MCPH1: variants seen among roughly 807,000 people sequenced by gnomAD.
MCPH1 encodes the protein microcephalin 1.
A neutral mutation model predicts 84.5 loss-of-function variants in MCPH1; 104 were observed. The observed-to-expected ratio is 1.23, with a 90% CI of 1.05 to 1.45. The LOEUF (loss-of-function observed/expected upper bound fraction) is 1.45. MCPH1 is among the 40% of genes most tolerant of loss of function. MCPH1 has a pLI of 0.00. For missense variants in MCPH1, 1,498 were observed against 1,005.7 expected (o/e 1.49, Z -6.62); for synonymous variants, 514 against 366.8 (o/e 1.40, Z -4.58).
rs1333669098 is a variant in MCPH1, at chr8:6,444,747, A to T, written c.1025A>T (p.His342Leu). The T allele has an allele frequency of 6.2e-7, 1 of 1,614,040 alleles. No homozygotes were observed. The highest frequency in any genetic ancestry group is 2.2e-5 in the East Asian group (1 of 44,870). ...CCTACCTTATCTTCAACAAAAGGCC[A>T]CCTTTTGATACATTCAAGACCCAGG... is the stretch of plus-strand genomic sequence containing the variant. ...LSPTLSSTKG[H>L]LLIHSRPRSS... The change falls in exon 8 of 14, where the codon CAC becomes CTC. Residue 342 changes from histidine to leucine, a missense_variant. Coordinates refer to ENST00000344683, the MANE Select transcript of MCPH1 (RefSeq NM_024596.5).
chr8:6,505,309 A>AT (rs1377053213), intron 12 of MCPH1, among the ~76,000 whole-genome samples: 5,355 of 53,410 alleles, frequency 0.1, 592 homozygotes, highest in African/African-American at 0.16. Context: ...ATATGTATAT[A>AT]ACATATATAT....
intron 10 of MCPH1, among the ~76,000 whole-genome samples, chr8:6,480,186 C>G (rs1447009218): frequency 6.6e-6 from 1 of 150,688 alleles, no homozygotes; most frequent in Non-Finnish European, 1.5e-5. Flanking sequence ...TGCAGTGACA[C>G]GATCGCGGCT....
chr8:6,506,366 G>T (rs921586583), intron 12 of MCPH1, among the ~76,000 whole-genome samples: 22 of 152,050 alleles, frequency 1.4e-4, no homozygotes, highest in Admixed American at 2.6e-4. Flanking sequence ...TCTCTCTTGG[G>T]CTGTTTTTCC....
chr8:6,560,794 T>G (rs1265065535), intron 12 of MCPH1, among the ~76,000 whole-genome samples: 2 of 152,190 alleles, frequency 1.3e-5, no homozygotes, highest in Non-Finnish European at 2.9e-5. Flanking sequence ...AGAGAAGGGG[T>G]AGTTTACCTA....
intron 9 of MCPH1, among the ~76,000 whole-genome samples, chr8:6,464,430 CATTA>C (rs1479962879): frequency 1.3e-5 from 2 of 152,180 alleles, no homozygotes; most frequent in African/African-American, 4.8e-5. Flanking sequence ...CTACAGAAAA[CATTA>C]AATAGGATCT....
chr8:6,548,152 T>C (rs552888405), intron 12 of MCPH1, among the ~76,000 whole-genome samples: 14 of 152,326 alleles, frequency 9.2e-5, no homozygotes, highest in Non-Finnish European at 2.1e-4. Context: ...TTGGTTCCAC[T>C]GGAATCTTGG....
chr8:6,470,492 C>T (rs1440817074), intron 9 of MCPH1, among the ~76,000 whole-genome samples: 1 of 152,150 alleles, frequency 6.6e-6, no homozygotes, highest in African/African-American at 2.4e-5. Context: ...ACCATGTTGG[C>T]CAGGCTAGTC....
intron 13 of MCPH1, among the ~76,000 whole-genome samples, chr8:6,636,570 C>G (rs1336130293): frequency 6.6e-6 from 1 of 152,106 alleles, no homozygotes; most frequent in Non-Finnish European, 1.5e-5. Context: ...GCCTCTAACT[C>G]CTGGCCTCAA....
intron 11 of MCPH1, among the ~76,000 whole-genome samples, chr8:6,492,807 A>C (rs1357318150): frequency 1.3e-5 from 2 of 151,308 alleles, no homozygotes; most frequent in Non-Finnish European, 2.9e-5. Context: ...GAGTTAAGTA[A>C]TTAATTGATT....
At chr8:6,562,290 C>T (rs1025138756) in intron 12 of MCPH1, among the ~76,000 whole-genome samples, 1 of 152,044 alleles carries the variant, frequency 6.6e-6, no homozygotes, top group African/African-American at 2.4e-5. Context: ...TGAGAGCCTC[C>T]CTGGTGATGG....
chr8:6,562,516 A>AC, intron 12 of MCPH1: 1 of 779,168 alleles, frequency 1.3e-6, no homozygotes, highest in Non-Finnish European at 1.8e-6. Context: ...GGTACCAGCA[A>AC]CCCGCTCTCC....
At chr8:6,531,435 C>A (rs1157850090) in intron 12 of MCPH1, among the ~76,000 whole-genome samples, 2 of 152,036 alleles carry the variant, frequency 1.3e-5, no homozygotes, top group African/African-American at 2.4e-5. Context: ...ATTGCAGATG[C>A]CCGCCACCAC....
intron 12 of MCPH1, chr8:6,563,011 C>G (rs1825795762): frequency 6.8e-7 from 1 of 1,481,132 alleles, no homozygotes; most frequent in Admixed American, 2.0e-5. Context: ...CTGCTGCCGT[C>G]TAAAACGCAG....
At chr8:6,505,415 A>C (rs188793998) in intron 12 of MCPH1, among the ~76,000 whole-genome samples, 9,163 of 67,242 alleles carry the variant, frequency 0.14, 2,194 homozygotes, top group African/African-American at 0.29. Flanking sequence ...TATATTCTTT[A>C]TATACATAAA....
intron 1 of MCPH1, chr8:6,407,225 A>T (rs1344413432): frequency 6.0e-6 from 1 of 167,892 alleles, no homozygotes. Context: ...GCGGCAGTTG[A>T]GTTTCTATGC....
intron 11 of MCPH1, among the ~76,000 whole-genome samples, chr8:6,491,536 A>ACATATGTATG (rs1443082369): frequency 6.6e-6 from 1 of 151,202 alleles, no homozygotes; most frequent in Non-Finnish European, 1.5e-5. Context: ...CAGGTTTGTT[A>ACATATGTATG]CATATGTATG....
intron 12 of MCPH1, among the ~76,000 whole-genome samples, chr8:6,605,902 G>C (rs1005634589): frequency 1.8e-4 from 27 of 152,058 alleles, no homozygotes; most frequent in Admixed American, 1.8e-3. Flanking sequence ...TCTCCATGTT[G>C]GCCAGGCTGG....
chr8:6,638,091 G>A (rs1473614488), intron 13 of MCPH1, among the ~76,000 whole-genome samples: 1 of 151,156 alleles, frequency 6.6e-6, no homozygotes, highest in Non-Finnish European at 1.5e-5. Context: ...TGTGAAAGAG[G>A]ACACATGTGA....
chr8:6,548,343 A>G (rs1407194115), intron 12 of MCPH1, among the ~76,000 whole-genome samples: 3 of 152,178 alleles, frequency 2.0e-5, no homozygotes, highest in East Asian at 1.9e-4. Context: ...TGCCACTTAG[A>G]TGCCTTTCAT....
Sources: allele counts gnomAD v4.1 joint callset (sites outside exome capture counted in the v4.1 genomes callset), GRCh38; gene constraint gnomAD v4.1.1; transcripts MANE v1.5; gene names NCBI Gene and HGNC (gene_info 2026-07-23, HGNC 2026-07-21).